SLC6A11: variants seen among roughly 807,000 people sequenced by gnomAD.
SLC6A11 encodes the protein sodium- and chloride-dependent GABA transporter 3.
A neutral mutation model predicts 74.8 loss-of-function variants in SLC6A11; 25 were observed. The observed-to-expected ratio is 0.33, with a 90% CI of 0.24 to 0.47. The LOEUF (loss-of-function observed/expected upper bound fraction) is 0.47. SLC6A11 is among the 20% of genes least tolerant of loss of function. SLC6A11 has a pLI of 1.00. For missense variants in SLC6A11, 574 were observed against 837.0 expected, an observed-to-expected ratio of 0.69 and a Z score of 3.88; for synonymous variants, 330 against 330.2, an observed-to-expected ratio of 1.00 and a Z score of 0.01.
chr3:10,836,535 T>C (rs1575670528), intron 4 of SLC6A11, among the ~76,000 whole-genome samples: 1 of 152,254 alleles, frequency 6.6e-6, no homozygotes, highest in African/African-American at 2.4e-5. Flanking sequence ...TTTTTGATTA[T>C]AGCTATCCTA....
chr3:10,929,586 A>C (rs1192692656), intron 10 of SLC6A11, among the ~76,000 whole-genome samples: 2 of 152,184 alleles, frequency 1.3e-5, no homozygotes, highest in African/African-American at 4.8e-5. Flanking sequence ...AGTCACACTC[A>C]CCAGGGGAAC....
chr3:10,888,645 G>A (rs907671027), intron 6 of SLC6A11, among the ~76,000 whole-genome samples: 12 of 152,232 alleles, frequency 7.9e-5, no homozygotes, highest in African/African-American at 2.9e-4. Context: ...GGATGAAATG[G>A]TGGTGTTTTC....
At chr3:10,817,425 G>A (rs1694078056) in intron 1 of SLC6A11, among the ~76,000 whole-genome samples, 1 of 152,200 alleles carries the variant, frequency 6.6e-6, no homozygotes, top group Non-Finnish European at 1.5e-5. Context: ...CCAGCTCAGG[G>A]AAGGGGCTCC....
At chr3:10,886,873 T>C (rs1212627814) in intron 6 of SLC6A11, among the ~76,000 whole-genome samples, 1 of 152,196 alleles carries the variant, frequency 6.6e-6, no homozygotes, top group Middle Eastern at 3.2e-3. Flanking sequence ...TTTATTTTAT[T>C]CACAGGGCTG....
intron 6 of SLC6A11, among the ~76,000 whole-genome samples, chr3:10,905,177 C>T (rs1695287417): frequency 6.6e-6 from 1 of 152,200 alleles, no homozygotes; most frequent in African/African-American, 2.4e-5. Flanking sequence ...TGGGATAATG[C>T]TTTGGCAGAG....
At chr3:10,914,868 G>C (rs1211159174) in intron 7 of SLC6A11, among the ~76,000 whole-genome samples, 1 of 152,126 alleles carries the variant, frequency 6.6e-6, no homozygotes, top group Non-Finnish European at 1.5e-5. Flanking sequence ...CTTACGGTCA[G>C]CATGGGGACC....
At chr3:10,829,641 C>G (rs917317088) in intron 4 of SLC6A11, among the ~76,000 whole-genome samples, 3 of 152,254 alleles carry the variant, frequency 2.0e-5, no homozygotes, top group East Asian at 1.9e-4. Context: ...CCCTGGGCAA[C>G]CTGAAGAGCC....
intron 6 of SLC6A11, among the ~76,000 whole-genome samples, chr3:10,878,579 ATT>A (rs56827863): frequency 4.2e-3 from 588 of 141,128 alleles, no homozygotes; most frequent in Admixed American, 5.9e-3. Context: ...TAATGTTTGT[ATT>A]TTTTTTTTTT....
At chr3:10,881,236 T>C in intron 6 of SLC6A11, among the ~76,000 whole-genome samples, 1 of 152,008 alleles carries the variant, frequency 6.6e-6, no homozygotes, top group East Asian at 1.9e-4. Context: ...GCCAACATGG[T>C]GAAACTCCGT....
chr3:10,818,673 G>C (rs952630509), intron 1 of SLC6A11, among the ~76,000 whole-genome samples: 1 of 152,180 alleles, frequency 6.6e-6, no homozygotes, highest in Non-Finnish European at 1.5e-5. Flanking sequence ...CAAATAGCAT[G>C]TGTTTTCATG....
At chr3:10,896,698 A>G (rs1320751993) in intron 6 of SLC6A11, among the ~76,000 whole-genome samples, 2 of 152,150 alleles carry the variant, frequency 1.3e-5, no homozygotes, top group Non-Finnish European at 2.9e-5. Flanking sequence ...TTTTCCTCAT[A>G]TGCTTTCTAG....
At chr3:10,888,401 G>A (rs1423279967) in intron 6 of SLC6A11, among the ~76,000 whole-genome samples, 1 of 152,218 alleles carries the variant, frequency 6.6e-6, no homozygotes, top group Non-Finnish European at 1.5e-5. Flanking sequence ...GGAAGAATCT[G>A]ACTGAGGATG....
intron 6 of SLC6A11, among the ~76,000 whole-genome samples, chr3:10,894,994 A>T (rs1695153362): frequency 6.6e-6 from 1 of 152,168 alleles, no homozygotes; most frequent in African/African-American, 2.4e-5. Flanking sequence ...CAGATCTGGG[A>T]TTGAGTCTTT....
chr3:10,921,930 C>A (rs1310656121), intron 8 of SLC6A11, among the ~76,000 whole-genome samples: 1 of 152,176 alleles, frequency 6.6e-6, no homozygotes, highest in African/African-American at 2.4e-5. Context: ...GAAGACATAA[C>A]AATCCTAATG....
intron 5 of SLC6A11, among the ~76,000 whole-genome samples, chr3:10,856,256 C>T (rs1017880161): frequency 6.6e-6 from 1 of 152,144 alleles, no homozygotes; most frequent in East Asian, 1.9e-4. Flanking sequence ...GGTGTGAAAC[C>T]CTTGTCTGAT....
chr3:10,845,728 C>G (rs1162178144), intron 5 of SLC6A11, among the ~76,000 whole-genome samples: 1 of 152,148 alleles, frequency 6.6e-6, no homozygotes, highest in East Asian at 1.9e-4. Context: ...GCAGAGGGAC[C>G]ACAGAAAGTA....
intron 6 of SLC6A11, among the ~76,000 whole-genome samples, chr3:10,897,288 G>C (rs1382629702): frequency 6.6e-6 from 1 of 152,078 alleles, no homozygotes; most frequent in African/African-American, 2.4e-5. Context: ...AACCAATCAT[G>C]CCTTCCCAAC....
In SLC6A11 at chr3:10,840,515, C is replaced by G. The variant is rs1694424008; in HGVS notation, c.624-3699C>G. Among the ~76,000 whole-genome samples the G allele has an allele frequency of 2.0e-5, 3 of 152,232 alleles. No individual in the cohort carries two copies. In the South Asian group the frequency reaches 6.2e-4, roughly 32 times the overall value. ...TCTTTAAAGACCCCCAGGCTTAGCT[C>G]TGTGTCTGGCACACTGATGACGCTT... is the stretch of plus-strand genomic sequence containing the variant. On this transcript the variant is annotated intron_variant, in intron 4 of 13. Transcript: ENST00000254488.
chr3:10,910,091 G>A (rs1695366767), intron 6 of SLC6A11, among the ~76,000 whole-genome samples: 1 of 152,112 alleles, frequency 6.6e-6, no homozygotes, highest in African/African-American at 2.4e-5. Flanking sequence ...CCCTGCCCCT[G>A]CACTTCATGA....
Sources: gnomAD v4.1 joint callset for allele counts (sites outside exome capture counted in the v4.1 genomes callset) on GRCh38, gnomAD v4.1.1 for gene constraint, MANE v1.5 for transcripts, NCBI Gene and HGNC (gene_info 2026-07-23, HGNC 2026-07-21) for gene names.